TMPRSS15: variants seen among roughly 807,000 people sequenced by gnomAD.
TMPRSS15 encodes enteropeptidase.
TMPRSS15 carries 128 observed loss-of-function variants against 125.3 expected under a neutral mutation model. That is an observed-to-expected ratio of 1.02 (90% CI 0.89 to 1.18). The LOEUF (loss-of-function observed/expected upper bound fraction) is 1.18. Among genes scored for constraint, TMPRSS15 ranks in the 50% most tolerant of loss-of-function variants. The probability of loss-of-function intolerance (pLI) is 0.00; values close to 1 mark genes in which losing one functional copy is unlikely to be tolerated. For missense variants in TMPRSS15, 1,283 were observed against 1,212.7 expected (o/e 1.06, Z -0.86); for synonymous variants, 446 against 423.2 (o/e 1.05, Z -0.66).
rs550879831 is a variant in TMPRSS15, at chr21:18,313,404, TTC to T, written c.2033-329_2033-328del. On this transcript the variant is annotated intron_variant, in intron 17 of 24. Coordinates refer to ENST00000284885, the MANE Select transcript of TMPRSS15 (RefSeq NM_002772.3). ...TATATACACATTCTCTGTATATACATTCTCTCTCCATACTTTCTATTAATATA... is the reference window on the plus strand; with the variant it reads ...TATATACACATTCTCTGTATATACATTCTCTCCATACTTTCTATTAATATA... 2.1e-3 allele frequency among the ~76,000 whole-genome samples: 312 copies of T among 151,292 alleles called. 4 individuals carry two copies. The highest frequency in any genetic ancestry group is 5.8e-3 in the African/African-American group (242 of 41,372).
intron 1 of TMPRSS15, among the ~76,000 whole-genome samples, chr21:18,446,372 A>G (rs1160247059): frequency 2.6e-5 from 4 of 152,166 alleles, no homozygotes; most frequent in African/African-American, 4.8e-5. Context: ...AAATAACAAT[A>G]CTACTCAAAG....
chr21:18,313,273 A>T (rs1284122205), intron 17 of TMPRSS15, among the ~76,000 whole-genome samples, 196 bp from the exon 18 acceptor site: 3 of 151,950 alleles, frequency 2.0e-5, no homozygotes, highest in Non-Finnish European at 4.4e-5. Flanking sequence ...AAATTTTCTC[A>T]TCATGAAATA....
At chr21:18,332,567 T>C (rs555870641) in intron 13 of TMPRSS15, among the ~76,000 whole-genome samples, 13 of 152,180 alleles carry the variant, frequency 8.5e-5, no homozygotes, top group Non-Finnish European at 1.5e-4. Context: ...CCAGTCAGAA[T>C]GGCTATTAGT....
At chr21:18,274,771 GT>G (rs1212845303) in intron 24 of TMPRSS15, among the ~76,000 whole-genome samples, 1 of 152,174 alleles carries the variant, frequency 6.6e-6, no homozygotes, top group African/African-American at 2.4e-5. Flanking sequence ...TAAATTCAGG[GT>G]TGAAATTTAG....
At chr21:18,391,246 T>A (rs375957425) in intron 3 of TMPRSS15, among the ~76,000 whole-genome samples, 1 of 152,190 alleles carries the variant, frequency 6.6e-6, no homozygotes, top group East Asian at 1.9e-4. Flanking sequence ...TCAGCATTAA[T>A]TCAAAAGTCC....
At chr21:18,371,234 C>T (rs181581750) in intron 6 of TMPRSS15, among the ~76,000 whole-genome samples, 24 of 152,238 alleles carry the variant, frequency 1.6e-4, no homozygotes, top group Admixed American at 3.3e-4. Flanking sequence ...TAACAATACT[C>T]AGAATGATGT....
intron 1 of TMPRSS15, among the ~76,000 whole-genome samples, chr21:18,451,874 C>T (rs556993534): frequency 8.1e-6 from 1 of 124,098 alleles, no homozygotes; most frequent in South Asian, 2.5e-4. Flanking sequence ...ACAGTCATGG[C>T]ATGCATAAGA....
chr21:18,345,591 A>C (rs7283358), intron 10 of TMPRSS15, among the ~76,000 whole-genome samples: 1 of 145,974 alleles, frequency 6.9e-6, no homozygotes. Flanking sequence ...AATACAAAAA[A>C]TTAGCTGGGC....
At chr21:18,293,014 T>C (rs1035690371) in intron 21 of TMPRSS15, among the ~76,000 whole-genome samples, 1 of 152,176 alleles carries the variant, frequency 6.6e-6, no homozygotes, top group African/African-American at 2.4e-5. Context: ...GATGGTGCTG[T>C]CGGTAGCTCC....
intron 21 of TMPRSS15, 32 bp downstream of exon 21, chr21:18,294,238 G>T (rs544316085): frequency 6.2e-7 from 1 of 1,613,528 alleles, no homozygotes. Context: ...TGGTGACCTA[G>T]TTTGGGAAGG....
chr21:18,317,829 C>CATTCT (rs2075185873), intron 16 of TMPRSS15, among the ~76,000 whole-genome samples: 1 of 113,364 alleles, frequency 8.8e-6, no homozygotes, highest in African/African-American at 3.5e-5. Context: ...TATCCTATCC[C>CATTCT]ATCCTATTCC....
chr21:18,376,096 T>C (rs1327030480), intron 5 of TMPRSS15, among the ~76,000 whole-genome samples: 1 of 152,164 alleles, frequency 6.6e-6, no homozygotes, highest in African/African-American at 2.4e-5. Context: ...AGAATCTTCA[T>C]CCATGAATGT....
At chr21:18,280,938 C>G in intron 22 of TMPRSS15, 102 bp downstream of exon 22, 1 of 1,239,100 alleles carries the variant, frequency 8.1e-7, no homozygotes, top group Non-Finnish European at 1.2e-6. Flanking sequence ...AACAAATTAT[C>G]TAGCTTTTAT....
intron 16 of TMPRSS15, among the ~76,000 whole-genome samples, chr21:18,317,798 CCA>C (rs777719618): frequency 0.022 from 2,801 of 127,778 alleles, 110 homozygotes; most frequent in Non-Finnish European, 0.031. Context: ...CCATCCCATC[CCA>C]TCCCATCCCA....
At chr21:18,330,240 C>T (rs2075331299) in intron 14 of TMPRSS15, among the ~76,000 whole-genome samples, 1 of 152,276 alleles carries the variant, frequency 6.6e-6, no homozygotes, top group Non-Finnish European at 1.5e-5. Context: ...CGTCCCTTGC[C>T]ACCACAACAG....
chr21:18,387,618 C>T lies in TMPRSS15; in HGVS notation c.345-3840G>A, dbSNP rs1412554604. 7.6e-3 allele frequency among the ~76,000 whole-genome samples: 88 copies of T among 11,570 alleles called. 1 individual carries two copies. The highest frequency in any genetic ancestry group is 0.031 in the African/African-American group (84 of 2,672). The allele number at this position is 11,570 out of a possible 152,430, so 7.6% of individuals were successfully genotyped here. ...AGCTACACACACACACACATACACA[C>T]ACACACACACACACACACACACACA... On this transcript the variant is annotated intron_variant, in intron 3 of 24. Coordinates refer to ENST00000284885, the MANE Select transcript of TMPRSS15 (RefSeq NM_002772.3).
chr21:18,360,992 T>C (rs2075674886), intron 7 of TMPRSS15, among the ~76,000 whole-genome samples: 1 of 152,154 alleles, frequency 6.6e-6, no homozygotes, highest in Non-Finnish European at 1.5e-5. Context: ...TAACAGAATT[T>C]ATATGACTCA....
At chr21:18,420,461 C>A (rs974169595) in intron 1 of TMPRSS15, among the ~76,000 whole-genome samples, 1 of 152,004 alleles carries the variant, frequency 6.6e-6, no homozygotes, top group Non-Finnish European at 1.5e-5. Flanking sequence ...AATAAAAATT[C>A]TCAAGTTGTA....
chr21:18,314,114 A>G (rs1452559653), intron 17 of TMPRSS15, among the ~76,000 whole-genome samples: 2 of 110,136 alleles, frequency 1.8e-5, no homozygotes, highest in African/African-American at 7.1e-5. Flanking sequence ...ATAATGCTAC[A>G]TTGTTTACCT....
Sources: gnomAD v4.1 joint callset for allele counts (sites outside exome capture counted in the v4.1 genomes callset) on GRCh38, gnomAD v4.1.1 for gene constraint, MANE v1.5 for transcripts, NCBI Gene and HGNC (gene_info 2026-07-23, HGNC 2026-07-21) for gene names.